FOXJ2: variants seen among roughly 807,000 people sequenced by gnomAD.
FOXJ2 encodes forkhead box protein J2.
A neutral mutation model predicts 68.4 loss-of-function variants in FOXJ2; 18 were observed. That is an observed-to-expected ratio of 0.26 (90% CI 0.18 to 0.39). The LOEUF (loss-of-function observed/expected upper bound fraction) is 0.39, where lower values mean the gene tolerates loss of function less well. Ranked by LOEUF, FOXJ2 falls within the 10% of genes least tolerant of loss-of-function variation. The pLI is 1.00. For missense variants in FOXJ2, 670 were observed against 726.5 expected, an observed-to-expected ratio of 0.92 and a Z score of 0.89; for synonymous variants, 274 against 263.2, an observed-to-expected ratio of 1.04 and a Z score of -0.40.
intron 2 of FOXJ2, among the ~76,000 whole-genome samples, chr12:8,042,308 A>C (rs943606122): frequency 6.6e-6 from 1 of 152,220 alleles, no homozygotes; most frequent in Non-Finnish European, 1.5e-5. Context: ...TTCTTTTGCT[A>C]TCAGTAGGGT....
At chr12:8,048,922 T>A in intron 8 of FOXJ2, 124 bp downstream of exon 8, 1 of 716,562 alleles carries the variant, frequency 1.4e-6, no homozygotes, top group Non-Finnish European at 2.4e-6. Context: ...TTTTTCTTTC[T>A]TTTTACACAA....
intron 6 of FOXJ2, 42 bp from the exon 7 acceptor site, chr12:8,047,840 T>G: frequency 1.3e-6 from 2 of 1,529,320 alleles, no homozygotes; most frequent in Non-Finnish European, 1.8e-6. Context: ...TTGTGAAAAA[T>G]GCATTGCTTA....
intron 6 of FOXJ2, among the ~76,000 whole-genome samples, chr12:8,047,625 G>T (rs1947055852): frequency 6.6e-6 from 1 of 151,928 alleles, no homozygotes; most frequent in African/African-American, 2.4e-5. Context: ...CTAAAAAGTA[G>T]CATTAAATGC....
At chr12:8,036,469 C>G (rs967494390) in intron 1 of FOXJ2, among the ~76,000 whole-genome samples, 15 of 152,174 alleles carry the variant, frequency 9.9e-5, no homozygotes, top group African/African-American at 3.6e-4. Context: ...GGCTGCCTTT[C>G]CCAGCTTCTA....
In FOXJ2 at chr12:8,032,786, G is replaced by C. The variant is rs1946852096; in HGVS notation, c.-1062G>C. On this transcript the variant is annotated 5_prime_UTR_variant, in exon 1 of 11. Transcript: ENST00000162391. The surrounding 1 kb of genome is among the most constrained non-coding windows in gnomAD (Gnocchi z 4.8). ...TGTCTGCCCGCCTTCTGGCTCCCCG[G>C]GAGCCCAGACTGGTCGGAGCCCGAG... 5.0e-6 allele frequency: 2 copies of C among 398,222 alleles called. No individual in the cohort carries two copies. Among genetic ancestry groups the C allele is most frequent in the South Asian group, 2.5e-4 (2 of 7,870 alleles). The allele number at this position is 398,222 out of a possible 1,614,324, so 24.7% of individuals were successfully genotyped here. A position where few individuals can be genotyped will look rare whatever the true frequency, so the allele number is the denominator to read the frequency against.
rs1947166302 is a variant in FOXJ2 at position 8,054,788 on chromosome 12, TTTCC to T, written c.*1945_*1948del. 6.6e-6 allele frequency: 1 copy of T among 152,250 alleles called. No homozygotes were observed. The highest frequency in any genetic ancestry group is 6.5e-5 in the Admixed American group (1 of 15,282). The allele number at this position is 152,250 out of a possible 1,614,324, so 9.4% of individuals were successfully genotyped here. A position where few individuals can be genotyped will look rare whatever the true frequency, so the allele number is the denominator to read the frequency against. On this transcript the variant is annotated 3_prime_UTR_variant, in exon 11 of 11. Transcript: ENST00000162391. ...CCCAGTGTCCCTATTTTAGGCATCT[TTTCC>T]TTCCTTATTCCTTCCAGTCAGGGTG...
chr12:8,048,897 A>G, intron 8 of FOXJ2, 99 bp downstream of exon 8: 1 of 886,194 alleles, frequency 1.1e-6, no homozygotes, highest in Admixed American at 2.1e-5. Flanking sequence ...AGTTGCAGAA[A>G]TGAGGATTTC....
chr12:8,050,692 C>G, intron 10 of FOXJ2, 72 bp downstream of exon 10: 1 of 1,550,690 alleles, frequency 6.4e-7, no homozygotes, highest in Middle Eastern at 1.7e-4. Context: ...TGACTCTGAG[C>G]TGGCATTCTG....
At chr12:8,052,077 A>G (rs896017481) in intron 10 of FOXJ2, among the ~76,000 whole-genome samples, 1 of 152,108 alleles carries the variant, frequency 6.6e-6, no homozygotes, top group African/African-American at 2.4e-5. Flanking sequence ...CATGTTGGCC[A>G]GTCTGGTCTA....
At chr12:8,044,659 G>A (rs1261713055) in intron 5 of FOXJ2, 101 bp from the exon 6 acceptor site, 33 of 1,198,834 alleles carry the variant, frequency 2.8e-5, no homozygotes, top group Non-Finnish European at 3.4e-5. Flanking sequence ...AGAGCTAGGC[G>A]AGGATGAAGA....
rs182187448 is a variant in FOXJ2, at chr12:8,048,099, C to T, written c.1035C>T (p.Thr345=). ...ACACCCCAAGCACAGATGGTTGTAC[C>T]CCACCAGGGGGAAAGCAAGCTGGGG... ...PLHTPSTDGC[T]PPGGKQAGAE... The change falls in exon 7 of 11, where the codon ACC becomes ACT. Residue 345 remains threonine (T), a synonymous_variant. Transcript: ENST00000162391. 40 of 1,612,334 alleles carry T rather than the reference C, an allele frequency of 2.5e-5. No homozygotes were observed. Among genetic ancestry groups the T allele is most frequent in the Non-Finnish European group, 3.4e-5 (40 of 1,178,968 alleles).
chr12:8,050,899 C>CCCCTTCCCTTCCCTTT (rs1947112440), intron 10 of FOXJ2, among the ~76,000 whole-genome samples: 1 of 59,082 alleles, frequency 1.7e-5, no homozygotes, highest in Non-Finnish European at 3.9e-5. Context: ...CCCTTCCCTT[C>CCCCTTCCCTTCCCTTT]CCCTTCCCTT....
intron 1 of FOXJ2, among the ~76,000 whole-genome samples, chr12:8,037,083 C>G (rs61922167): frequency 0.29 from 43,481 of 152,016 alleles, 7,522 homozygotes; most frequent in Non-Finnish European, 0.39. Flanking sequence ...AGCAAGGCTT[C>G]GTCTCCAAAA....
At chr12:8,050,649 C>G in intron 10 of FOXJ2, 29 bp downstream of exon 10, 10 of 1,611,966 alleles carry the variant, frequency 6.2e-6, no homozygotes, top group Non-Finnish European at 8.5e-6. Context: ...GTTTCAAAAC[C>G]GTTGTACTCT....
chr12:8,043,682 G>A lies in FOXJ2; in HGVS notation c.409-19G>A, dbSNP rs755535303. 2 of 1,613,798 alleles carry A rather than the reference G, an allele frequency of 1.2e-6. No individual in the cohort carries two copies. The highest frequency in any genetic ancestry group is 1.7e-5 in the Admixed American group (1 of 59,966). On this transcript the variant is annotated intron_variant, in intron 3 of 10. Transcript: ENST00000162391. The stretch of plus-strand genomic sequence containing the variant: ...AATGTAACAATTTTGTTTTCTGTGG[G>A]AATGGGATCTCCTTCCAGGGTTCCT...
chr12:8,039,763 G>A (rs1946940234), intron 1 of FOXJ2, 56 bp from the exon 2 acceptor site: 5 of 1,414,120 alleles, frequency 3.5e-6, no homozygotes, highest in Non-Finnish European at 4.8e-6. Flanking sequence ...TCAAACAAAA[G>A]GATTTGAGTA....
In FOXJ2 at chr12:8,038,621, G is replaced by A. The variant is rs1160508319; in HGVS notation, c.-14-1198G>A. Among the ~76,000 whole-genome samples, 1 of 152,164 alleles carries A rather than the reference G, an allele frequency of 6.6e-6. No individual in the cohort carries two copies. The highest frequency in any genetic ancestry group is 2.4e-5 in the African/African-American group (1 of 41,426). On this transcript the variant is annotated intron_variant, in intron 1 of 10. Coordinates refer to ENST00000162391, the MANE Select transcript of FOXJ2 (RefSeq NM_018416.3). The surrounding 1 kb of genome is among the most constrained non-coding windows in gnomAD (Gnocchi z 5.3). ...GGGGTTGCTGGCATCAGCTCTAGGG[G>A]AGTGCCAAATGGCTACCTAGGGGTT...
chr12:8,048,789 C>G lies in FOXJ2; in HGVS notation c.1318C>G (p.Gln440Glu). 6.2e-7 allele frequency: 1 copy of G among 1,613,718 alleles called. No individual in the cohort carries two copies. The highest frequency in any genetic ancestry group is 8.5e-7 in the Non-Finnish European group (1 of 1,179,852). Reference protein sequence around the residue: ...RLNWSSIEQSQFSELMESLRQ... With the variant: ...RLNWSSIEQSEFSELMESLRQ... ...CAATTGGTCCAGCATTGAGCAGTCA[C>G]AATTCTCAGGTTAGTGATCAAAGGA... Residue 440 changes from glutamine to glutamate, a missense_variant, in exon 8 of 11, where the codon CAA becomes GAA. Transcript: ENST00000162391.
rs780556383 is a variant in FOXJ2 at position 8,050,588 on chromosome 12, C to A, written c.1604C>A (p.Pro535His). 1 of 1,614,076 alleles carries A rather than the reference C, an allele frequency of 6.2e-7. No homozygotes were observed. The change falls in exon 10 of 11, where the codon CCC (proline) becomes CAC (histidine). Residue 535 changes from proline to histidine, a missense_variant. Coordinates refer to ENST00000162391, the MANE Select transcript of FOXJ2 (RefSeq NM_018416.3). The part of the protein sequence containing the change: ...YPGPSPMYPI[P>H]TQDSAGYNRP... ...GGCCCATCACCAATGTACCCAATCC[C>A]CACCCAGGACTCAGCAGGATACAAT...
Sources: allele counts gnomAD v4.1 joint callset (sites outside exome capture counted in the v4.1 genomes callset), GRCh38; gene constraint gnomAD v4.1.1; non-coding constraint Gnocchi (gnomAD v3.1); transcripts MANE v1.5; gene names NCBI Gene and HGNC (gene_info 2026-07-23, HGNC 2026-07-21).